Variants in ATG4A observed in about 807,000 individuals in gnomAD.
ATG4A encodes the protein cysteine protease ATG4A.
A neutral mutation model predicts 38.4 loss-of-function variants in ATG4A; 22 were observed. The ratio of observed to expected loss-of-function variants is 0.57; its 90% CI spans 0.41 to 0.82. The LOEUF (loss-of-function observed/expected upper bound fraction) is 0.82, where lower values mean the gene tolerates loss of function less well. ATG4A is among the 40% of genes least tolerant of loss of function. ATG4A has a pLI of 0.00. For synonymous variants in ATG4A, 86 were observed against 100.7 expected (o/e 0.85, Z 0.88); for missense variants, 220 against 290.0 (o/e 0.76, Z 1.75).
intron 9 of ATG4A, among the ~76,000 whole-genome samples, chrX:108,144,347 C>T (rs143604611): frequency 1.5e-4 from 17 of 112,518 alleles, no homozygotes; most frequent in South Asian, 7.4e-4. Flanking sequence ...CTGCCCTTTC[C>T]GTGATGGAAG....
At chrX:108,096,389 T>C (rs1405145956) in intron 1 of ATG4A, among the ~76,000 whole-genome samples, 1 of 112,292 alleles carries the variant, frequency 8.9e-6, no homozygotes, top group Admixed American at 9.4e-5. Context: ...AAACATGAGA[T>C]GGGCTGAATT....
Position 108,151,805 on chromosome X carries a change from T to C in ATG4A, c.964T>C (p.Phe322Leu). 8.3e-7 allele frequency: 1 copy of C among 1,207,929 alleles called. No individual in the cohort carries two copies. The highest frequency in any genetic ancestry group is 1.8e-5 in the South Asian group (1 of 56,232). Residue 322 changes from phenylalanine to leucine, a missense_variant, in exon 11 of 13, where the codon TTT (phenylalanine) becomes CTT (leucine). Phe to Leu is a conservative substitution (Grantham distance 22). Transcript: ENST00000372232. ...LNLDPSVALG[F>L]FCKEEKDFDN... ...TGTTCTTTTGCTTTCCCCCAAGGGA[T>C]TTTTCTGCAAAGAAGAAAAAGACTT...
chrX:108,112,422 T>C (rs763421551), intron 1 of ATG4A, among the ~76,000 whole-genome samples: 2 of 109,257 alleles, frequency 1.8e-5, no homozygotes, highest in South Asian at 4.0e-4. Context: ...GACGGAGTCT[T>C]GCTCTGTCGC....
intron 11 of ATG4A, 75 bp from the exon 12 acceptor site, chrX:108,152,904 G>T (rs990899652): frequency 2.1e-5 from 16 of 775,837 alleles, no homozygotes; most frequent in Middle Eastern, 2.9e-4. Context: ...ACTGTCTCAG[G>T]GTTTGGGGTC....
intron 1 of ATG4A, among the ~76,000 whole-genome samples, chrX:108,114,356 A>C (rs949036885): frequency 9.0e-6 from 1 of 111,628 alleles, no homozygotes. Flanking sequence ...TGGCTGAGGG[A>C]AAGAAATCCT....
chrX:108,142,335 C>T lies in ATG4A; in HGVS notation c.814+4144C>T, dbSNP rs147588698. Among the ~76,000 whole-genome samples, 911 of 110,851 alleles carry T rather than the reference C, an allele frequency of 8.2e-3. 6 individuals are homozygous for T. Among genetic ancestry groups the T allele is most frequent in the African/African-American group, 0.028 (864 of 30,434 alleles). The stretch of plus-strand genomic sequence containing the variant: ...GGATGGGGATCGCTTCCAAGCAGAT[C>T]GCTTGAGCCCAGGAGGTCAAGGCTG... On this transcript the variant is annotated intron_variant, in intron 9 of 12. Transcript: ENST00000372232.
At chrX:108,112,336 G>A (rs773618442) in intron 1 of ATG4A, among the ~76,000 whole-genome samples, 8 of 110,617 alleles carry the variant, frequency 7.2e-5, no homozygotes, top group African/African-American at 2.3e-4. Context: ...AGCACTGTGA[G>A]CTTTTAACAT....
At position 108,108,592 on chromosome X, in the gene ATG4A, CT is replaced by C. The variant is rs1438387600; in HGVS notation, c.10+16764del. On this transcript the variant is annotated intron_variant, in intron 1 of 12. Coordinates refer to ENST00000372232, the MANE Select transcript of ATG4A (RefSeq NM_052936.5). ...CACTGGTATACTTCTTTATTTTTAG[CT>C]TTTTTTTAAATTGTGGTGAAAAATA... Among the ~76,000 whole-genome samples the C allele has an allele frequency of 1.0e-4, 11 of 110,221 alleles. No homozygotes were observed. The East Asian group carries it at 3.1e-3, about 31-fold the overall frequency.
chrX:108,122,817 A>G (rs1335443531), intron 1 of ATG4A, among the ~76,000 whole-genome samples: 1 of 112,279 alleles, frequency 8.9e-6, no homozygotes, highest in Non-Finnish European at 1.9e-5. Flanking sequence ...CTTTGAAGAA[A>G]AAGCTGGGGA....
intron 10 of ATG4A, among the ~76,000 whole-genome samples, chrX:108,150,876 T>A (rs1291103288): frequency 9.0e-6 from 1 of 111,340 alleles, no homozygotes; most frequent in East Asian, 2.8e-4. Context: ...TTAGGAGGAG[T>A]CACTTAATCT....
At chrX:108,151,761 C>G (rs368989061) in intron 10 of ATG4A, 41 bp from the exon 11 acceptor site, 2 of 1,185,361 alleles carry the variant, frequency 1.7e-6, no homozygotes, top group African/African-American at 3.5e-5. Flanking sequence ...TGTGCAATAC[C>G]AAAGGTAATT....
chrX:108,111,425 G>T (rs892508716), intron 1 of ATG4A, among the ~76,000 whole-genome samples: 1 of 111,951 alleles, frequency 8.9e-6, no homozygotes, highest in South Asian at 3.7e-4. Context: ...AATAGAATGG[G>T]ACCAGAGTCT....
At chrX:108,152,337 G>A (rs887687444) in intron 11 of ATG4A, among the ~76,000 whole-genome samples, 13 of 110,915 alleles carry the variant, frequency 1.2e-4, no homozygotes, top group Non-Finnish European at 2.3e-4. Context: ...AGGTTCAAGC[G>A]ATTCTCCTCC....
At chrX:108,119,043 T>G (rs2032582088) in intron 1 of ATG4A, among the ~76,000 whole-genome samples, 1 of 112,211 alleles carries the variant, frequency 8.9e-6, no homozygotes, top group Non-Finnish European at 1.9e-5. Flanking sequence ...TTGGTTCATT[T>G]ATTTAGAAGT....
chrX:108,134,014 C>T, intron 4 of ATG4A, 43 bp from the exon 5 acceptor site: 1 of 1,008,933 alleles, frequency 9.9e-7, no homozygotes. Context: ...GAGGAATAAA[C>T]AGTTATAAAA....
chrX:108,135,786 ATTT>A (rs11346129), intron 6 of ATG4A, among the ~76,000 whole-genome samples: 1 of 98,329 alleles, frequency 1.0e-5, no homozygotes, highest in Non-Finnish European at 2.1e-5. Context: ...GGAAACCTAG[ATTT>A]TTTTTTTTTT....
chrX:108,133,428 T>C (rs2033014647), intron 4 of ATG4A, among the ~76,000 whole-genome samples: 1 of 112,651 alleles, frequency 8.9e-6, no homozygotes, highest in African/African-American at 3.2e-5. Flanking sequence ...ATTTTGGCAT[T>C]GGTCTTAGGG....
chrX:108,114,466 C>T (rs1036795677), intron 1 of ATG4A, among the ~76,000 whole-genome samples: 1 of 111,826 alleles, frequency 8.9e-6, no homozygotes, highest in African/African-American at 3.3e-5. Context: ...TCTGGTATTC[C>T]GTGGCATTCT....
rs778250757 is a variant in ATG4A at position 108,123,197 on chromosome X, C to T, written c.11-2880C>T. Among the ~76,000 whole-genome samples the T allele has an allele frequency of 5.4e-5, 6 of 112,000 alleles. No individual in the cohort carries two copies. The East Asian group carries it at 8.4e-4, about 16-fold the overall frequency. On this transcript the variant is annotated intron_variant, in intron 1 of 12. Transcript: ENST00000372232. ...TGGAACAGGGTGAAGCCTGTTGTCC[C>T]TGAGACCTTGTAGAAACTAATTCTT...
Sources: gnomAD v4.1 joint callset for allele counts (sites outside exome capture counted in the v4.1 genomes callset) on GRCh38, gnomAD v4.1.1 for gene constraint, MANE v1.5 for transcripts, NCBI Gene and HGNC (gene_info 2026-07-23, HGNC 2026-07-21) for gene names.